TEAD4: variants seen among roughly 807,000 people sequenced by gnomAD.
TEAD4 encodes the protein transcriptional enhancer factor TEF-3.
In TEAD4, 36 loss-of-function variants were observed where a neutral mutation model predicts 52.4. The observed-to-expected ratio is 0.69, with a 90% CI of 0.53 to 0.91. TEAD4 has a LOEUF of 0.91. Among genes scored for constraint, TEAD4 ranks in the 40% least tolerant of loss-of-function variants. The pLI is 0.00. For synonymous variants in TEAD4, 220 were observed against 231.0 expected, an observed-to-expected ratio of 0.95 and a Z score of 0.43; for missense variants, 508 against 583.9, an observed-to-expected ratio of 0.87 and a Z score of 1.34.
chr12:2,962,509 A>G (rs1310987546), intron 2 of TEAD4, among the ~76,000 whole-genome samples: 1 of 151,366 alleles, frequency 6.6e-6, no homozygotes, highest in Non-Finnish European at 1.5e-5. Context: ...CTAATTTTGT[A>G]TTTTTAGTGG....
chr12:2,987,597 G>A (rs1407218738), intron 2 of TEAD4, among the ~76,000 whole-genome samples: 5 of 151,772 alleles, frequency 3.3e-5, no homozygotes, highest in Non-Finnish European at 2.9e-5. Flanking sequence ...ACTGCACCCA[G>A]CTAATGTTTT....
chr12:2,981,336 C>T (rs1434056215), intron 2 of TEAD4, among the ~76,000 whole-genome samples: 3 of 152,248 alleles, frequency 2.0e-5, no homozygotes, highest in Non-Finnish European at 4.4e-5. Flanking sequence ...GGCCTCCTCC[C>T]TTTGTCTTCC....
Position 2,994,225 on chromosome 12 carries a change from G to A in TEAD4, c.-29-513G>A, listed in dbSNP as rs544959202. On this transcript the variant is annotated intron_variant, in intron 2 of 12. Transcript: ENST00000359864. This position sits in a 1 kb window ranked among gnomAD's most constrained non-coding sequence, Gnocchi z 4.7. ...CGAGTAGCTGTGATTACAGGTGCCC[G>A]CCACCACACCTGGCTAATTTTTGTA... is the stretch of plus-strand genomic sequence containing the variant. 3.3e-5 allele frequency among the ~76,000 whole-genome samples: 5 copies of A among 152,134 alleles called. No individual in the cohort carries two copies. The highest frequency in any genetic ancestry group is 1.9e-4 in the East Asian group (1 of 5,154).
intron 11 of TEAD4, among the ~76,000 whole-genome samples, chr12:3,039,580 C>T (rs2098281448): frequency 6.6e-6 from 1 of 152,218 alleles, no homozygotes; most frequent in African/African-American, 2.4e-5. Context: ...GAGGCTCCTA[C>T]CACTGCTCCT....
At chr12:3,024,397 G>C (rs779057647) in intron 10 of TEAD4, among the ~76,000 whole-genome samples, 1 of 152,278 alleles carries the variant, frequency 6.6e-6, no homozygotes, top group African/African-American at 2.4e-5. Context: ...GAACGGGCTG[G>C]GTGTGGTGGT....
At chr12:3,007,258 G>A (rs910556524) in intron 3 of TEAD4, among the ~76,000 whole-genome samples, 5 of 152,300 alleles carry the variant, frequency 3.3e-5, no homozygotes, top group African/African-American at 1.2e-4. Flanking sequence ...GGGGGCCAAG[G>A]CCTCCCTACT....
At chr12:2,998,797 C>A (rs994003924) in intron 3 of TEAD4, among the ~76,000 whole-genome samples, 2 of 152,198 alleles carry the variant, frequency 1.3e-5, no homozygotes, top group African/African-American at 4.8e-5. Flanking sequence ...GCTTGGCGTT[C>A]CTCTGTCAGC....
chr12:2,995,134 G>A (rs1234408940), intron 3 of TEAD4, 142 bp downstream of exon 3: 4 of 1,128,642 alleles, frequency 3.5e-6, no homozygotes, highest in Non-Finnish European at 4.9e-6. Context: ...TCCCTCCTGG[G>A]CTCCCAAGGG....
intron 2 of TEAD4, among the ~76,000 whole-genome samples, chr12:2,971,004 C>T (rs2098224516): frequency 6.6e-6 from 1 of 152,250 alleles, no homozygotes; most frequent in Admixed American, 6.5e-5. Context: ...GCCAGCTCTC[C>T]TCTCTTGGCA....
At chr12:3,013,403 C>T (rs995796575) in intron 5 of TEAD4, among the ~76,000 whole-genome samples, 1 of 152,044 alleles carries the variant, frequency 6.6e-6, no homozygotes, top group African/African-American at 2.4e-5. Context: ...CTTTCCCACC[C>T]CATGGAACTT....
chr12:2,985,660 C>T (rs1014594614), intron 2 of TEAD4, among the ~76,000 whole-genome samples: 6 of 151,566 alleles, frequency 4.0e-5, no homozygotes, highest in African/African-American at 1.5e-4. Context: ...TGCGCACCAT[C>T]ATGCCTGGCT....
chr12:2,997,455 G>A (rs189990408), intron 3 of TEAD4, among the ~76,000 whole-genome samples: 20 of 152,288 alleles, frequency 1.3e-4, no homozygotes, highest in African/African-American at 4.6e-4. Context: ...CAGGAGGGAC[G>A]CAGCCTCTGG....
chr12:2,985,299 G>A (rs191244114), intron 2 of TEAD4, among the ~76,000 whole-genome samples: 2,077 of 151,606 alleles, frequency 0.014, 61 homozygotes, highest in Admixed American at 0.065. Flanking sequence ...GCAGGAGAAT[G>A]GCATGAGCCT....
intron 10 of TEAD4, among the ~76,000 whole-genome samples, chr12:3,035,234 A>T (rs2098278658): frequency 6.6e-6 from 1 of 152,208 alleles, no homozygotes; most frequent in Non-Finnish European, 1.5e-5. Context: ...AAGAATCAGG[A>T]TGTGTCGTAG....
intron 2 of TEAD4, among the ~76,000 whole-genome samples, chr12:2,970,259 C>A (rs990515214): frequency 6.6e-6 from 1 of 152,164 alleles, no homozygotes; most frequent in African/African-American, 2.4e-5. Flanking sequence ...GGACTAACAA[C>A]GTTTCTTGTG....
In TEAD4 at chr12:2,994,854, G is replaced by A. The variant is rs200185504; in HGVS notation, c.88G>A (p.Ala30Thr). The A allele has an allele frequency of 6.2e-7, 1 of 1,614,102 alleles. No individual in the cohort carries two copies. Among genetic ancestry groups the A allele is most frequent in the South Asian group, 1.1e-5 (1 of 91,090 alleles). The stretch of plus-strand genomic sequence containing the variant: ...GAGCACCGCCTCTGGGGGCAGTCAG[G>A]CACTGGACAAGCCCATCGACAATGA... Residue 30 changes from alanine (A) to threonine (T), a missense_variant, in exon 3 of 13, where the codon GCA (alanine) becomes ACA (threonine). By Grantham distance (58) the Ala-to-Thr change is moderately conservative (BLOSUM62 0). Coordinates refer to ENST00000359864, the MANE Select transcript of TEAD4 (RefSeq NM_003213.4). The surrounding 1 kb of genome is among the most constrained non-coding windows in gnomAD (Gnocchi z 4.7).
rs1249051354 is a variant in TEAD4 at position 2,959,846 on chromosome 12, G to A, written c.-122-102G>A. 1 of 151,508 alleles carries A rather than the reference G, an allele frequency of 6.6e-6. No individual in the cohort carries two copies. The highest frequency in any genetic ancestry group is 1.5e-5 in the Non-Finnish European group (1 of 67,894). 9.4% of individuals were successfully genotyped at this position (151,508 alleles called of 1,614,324 possible). On this transcript the variant is annotated intron_variant, in intron 1 of 12. Coordinates refer to ENST00000359864, the MANE Select transcript of TEAD4 (RefSeq NM_003213.4). This position sits in a 1 kb window ranked among gnomAD's most constrained non-coding sequence, Gnocchi z 5.1. ...TCCGCTGGGCGCACCGGGGCCGGTC[G>A]GCGCGGGGTGGGCTTGGCCCCGCGG...
chr12:2,995,106 G>A (rs1019683937), intron 3 of TEAD4, 114 bp downstream of exon 3: 132 of 1,328,090 alleles, frequency 9.9e-5, no homozygotes, highest in Middle Eastern at 3.9e-4. Flanking sequence ...GGGCTTTGTC[G>A]GGTGGACACT....
intron 2 of TEAD4, among the ~76,000 whole-genome samples, chr12:2,964,049 A>G (rs1054348954): frequency 9.7e-5 from 14 of 144,300 alleles, no homozygotes; most frequent in Non-Finnish European, 1.5e-4. Flanking sequence ...GGTTGGGGGC[A>G]GTGCAGAGGG....
Sources: gnomAD v4.1 joint callset for allele counts (sites outside exome capture counted in the v4.1 genomes callset) on GRCh38, gnomAD v4.1.1 for gene constraint, Gnocchi (gnomAD v3.1) non-coding constraint, MANE v1.5 for transcripts, NCBI Gene and HGNC (gene_info 2026-07-23, HGNC 2026-07-21) for gene names.